Variants in C1QTNF12 observed in about 807,000 individuals in gnomAD.
C1QTNF12 encodes the protein adipolin.
A neutral mutation model predicts 34.3 loss-of-function variants in C1QTNF12; 39 were observed. The ratio of observed to expected loss-of-function variants is 1.14; its 90% confidence interval spans 0.88 to 1.49. The LOEUF (loss-of-function observed/expected upper bound fraction) is 1.49. Ranked by LOEUF, C1QTNF12 falls within the 40% of genes most tolerant of loss-of-function variation. The probability of loss-of-function intolerance (pLI) is 0.00; values close to 1 mark genes in which losing one functional copy is unlikely to be tolerated. For synonymous variants in C1QTNF12, 220 were observed against 196.9 expected (o/e 1.12, Z -0.98); for missense variants, 497 against 424.7 (o/e 1.17, Z -1.50).
At position 1,246,669 on chromosome 1, in the gene C1QTNF12, CG is replaced by C; in HGVS notation, c.21del (p.Ala8ArgfsTer66). MRRWAWAAVVVLLGPQL... is the reference protein window; with the variant it reads MRRWAWXAVVVLLGPQL... ...TGCGGCCCGAGGAGGACCACGACCGCGGCCCAGGCCCAGCGCCGCATGGCTC... is the reference window on the plus strand; with the variant it reads ...TGCGGCCCGAGGAGGACCACGACCGCGCCCAGGCCCAGCGCCGCATGGCTC... On this transcript the variant is annotated frameshift_variant, in exon 1 of 8. Coordinates refer to ENST00000330388, the MANE Select transcript of C1QTNF12 (RefSeq NM_001014980.3). LOFTEE classifies it high-confidence loss of function. The surrounding 1 kb of genome is among the most constrained non-coding windows in gnomAD (Gnocchi z 4.5). 5 of 1,227,742 alleles carry C rather than the reference CG, an allele frequency of 4.1e-6. No homozygotes were observed. Among genetic ancestry groups the C allele is most frequent in the Non-Finnish European group, 5.1e-6 (5 of 985,094 alleles). 76.1% of individuals were successfully genotyped at this position (1,227,742 alleles called of 1,614,324 possible). A position where few individuals can be genotyped will look rare whatever the true frequency, so the allele number is the denominator to read the frequency against.
Position 1,243,102 on chromosome 1 carries a change from ACAC to A in C1QTNF12, c.688_690del (p.Val230del). 2 of 1,587,830 alleles carry A rather than the reference ACAC, an allele frequency of 1.3e-6. No homozygotes were observed. Among genetic ancestry groups the A allele is most frequent in the South Asian group, 1.1e-5 (1 of 87,652 alleles). On this transcript the variant is annotated inframe_deletion, in exon 6 of 8. Transcript: ENST00000330388. ...AGGGACTCAATACAGATGAGAACAC[ACAC>A]CACGTCCCGGGCCCGCAGCCGGGCC...
At chr1:1,247,000 C>T (rs1361780475), upstream of C1QTNF12, among the ~76,000 whole-genome samples, 1 of 151,890 alleles carries the variant, frequency 6.6e-6, no homozygotes, top group Admixed American at 6.5e-5. This position sits in a 1 kb window ranked among gnomAD's most constrained non-coding sequence, Gnocchi z 4.5. Flanking sequence ...CACACTCGGA[C>T]GATCAGCCAG....
rs201137734 is a variant in C1QTNF12 at position 1,244,279 on chromosome 1, G to T, written c.295-4C>A. The stretch of plus-strand genomic sequence containing the variant: ...CTGGGGGACCGAAGAGATCCCGCTG[G>T]GGGGAGAGAGAAGCAGGTGAGGGGC... On this transcript the variant is annotated splice_polypyrimidine_tract_variant and splice_region_variant and intron_variant, in intron 2 of 7. Transcript: ENST00000330388. 2,161 of 1,592,070 alleles carry T rather than the reference G, an allele frequency of 1.4e-3. 4 individuals are homozygous for T. The highest frequency in any genetic ancestry group is 2.5e-3 in the Admixed American group (144 of 58,060).
In C1QTNF12 at chr1:1,244,370, G is replaced by A; in HGVS notation, c.294+11C>T. 1 of 1,609,760 alleles carries A rather than the reference G, an allele frequency of 6.2e-7. No individual in the cohort carries two copies. Among genetic ancestry groups the A allele is most frequent in the Non-Finnish European group, 8.5e-7 (1 of 1,177,750 alleles). On this transcript the variant is annotated intron_variant, in intron 2 of 7. Transcript: ENST00000330388. ...GGGCTCAGACCCTGCAGCAGCCCGGGCGGGGCTCACCGGCTTCTTGTCCCT... is the reference window on the plus strand; with the variant it reads ...GGGCTCAGACCCTGCAGCAGCCCGGACGGGGCTCACCGGCTTCTTGTCCCT...
At position 1,246,424 on chromosome 1, in the gene C1QTNF12, G is replaced by T. The variant is rs370855911; in HGVS notation, c.177+90C>A. ...AAAAGGGCGACCCGGAGGCAGAGCC[G>T]GCAGGGACAGAGCCTGCTGGGGGAG... On this transcript the variant is annotated intron_variant, in intron 1 of 7. Coordinates refer to ENST00000330388, the MANE Select transcript of C1QTNF12 (RefSeq NM_001014980.3). This position sits in a 1 kb window ranked among gnomAD's most constrained non-coding sequence, Gnocchi z 4.5. The T allele has an allele frequency of 8.1e-6, 9 of 1,106,246 alleles. No homozygotes were observed. Among genetic ancestry groups the T allele is most frequent in the African/African-American group, 1.6e-5 (1 of 61,872 alleles). The allele number at this position is 1,106,246 out of a possible 1,614,324, so 68.5% of individuals were successfully genotyped here. A position where few individuals can be genotyped will look rare whatever the true frequency, so the allele number is the denominator to read the frequency against.
In C1QTNF12 at chr1:1,246,303, G is replaced by A. The variant is rs1234764372; in HGVS notation, c.177+211C>T. Among the ~76,000 whole-genome samples, 1 of 152,160 alleles carries A rather than the reference G, an allele frequency of 6.6e-6. No homozygotes were observed. Among genetic ancestry groups the A allele is most frequent in the Non-Finnish European group, 1.5e-5 (1 of 68,014 alleles). ...CCCACCCACCCCAGGCCAGCTGGGG[G>A]CCAGGTCTCCGCTGCAGAGGAGGAG... On this transcript the variant is annotated intron_variant, in intron 1 of 7. Transcript: ENST00000330388. The surrounding 1 kb of genome is among the most constrained non-coding windows in gnomAD (Gnocchi z 4.5).
In C1QTNF12 at chr1:1,246,399, A is replaced by C; in HGVS notation, c.177+115T>G. Reference sequence around the variant, plus strand: ...AGGCGGGACCGTGGCCGAGGCCTCGAAAAGGGCGACCCGGAGGCAGAGCCG... The same window carrying C: ...AGGCGGGACCGTGGCCGAGGCCTCGCAAAGGGCGACCCGGAGGCAGAGCCG... On this transcript the variant is annotated intron_variant, in intron 1 of 7. Transcript: ENST00000330388. This position sits in a 1 kb window ranked among gnomAD's most constrained non-coding sequence, Gnocchi z 4.5. 2 of 975,976 alleles carry C rather than the reference A, an allele frequency of 2.0e-6. No homozygotes were observed. The highest frequency in any genetic ancestry group is 1.1e-4 in the South Asian group (2 of 18,946). The allele number at this position is 975,976 out of a possible 1,614,324, so 60.5% of individuals were successfully genotyped here.
intron 4 of C1QTNF12, 48 bp downstream of exon 4, chr1:1,243,906 T>C (rs1486313964): frequency 1.2e-5 from 18 of 1,542,952 alleles, no homozygotes; most frequent in East Asian, 5.0e-5. Context: ...CCGTCTTGCC[T>C]GTGGGGCCCC....
rs1638776860 is a variant in C1QTNF12, at chr1:1,242,912, A to G, written c.733T>C (p.Cys245Arg). ...TCCAGGCCTGAGACGGCCTCCAGGC[A>G]CCTGAACACAGCCCCACAGGGCAAG... ...CIESLCQRHT[C>R]LEAVSGLESN... The change falls in exon 7 of 8, where the codon TGC (cysteine) becomes CGC (arginine). Residue 245 changes from cysteine to arginine, a missense_variant and splice_region_variant. Physicochemically the swap from Cys to Arg is radical, Grantham distance 180 (BLOSUM62 -3). Coordinates refer to ENST00000330388, the MANE Select transcript of C1QTNF12 (RefSeq NM_001014980.3). The G allele has an allele frequency of 6.2e-7, 1 of 1,611,958 alleles. No individual in the cohort carries two copies. Among genetic ancestry groups the G allele is most frequent in the African/African-American group, 1.3e-5 (1 of 74,880 alleles).
Position 1,242,640 on chromosome 1 carries a change from G to A in C1QTNF12, c.817C>T (p.Gln273Ter). The change falls in exon 8 of 8, where the codon CAG becomes TAG. Residue 273 changes from glutamine to a stop codon, truncating the protein, a stop_gained. Transcript: ENST00000330388. LOFTEE classifies it high-confidence loss of function. ...VQGLLQLQAG[Q>*]YASVFVDNGS... ...TTGTCCACAAACACAGAAGCGTACT[G>A]TCCAGCCTGTAAGAAGCACGGGGAC... 6.3e-7 allele frequency: 1 copy of A among 1,590,788 alleles called. No homozygotes were observed. Among genetic ancestry groups the A allele is most frequent in the Non-Finnish European group, 8.6e-7 (1 of 1,169,156 alleles).
At position 1,242,503 on chromosome 1, in the gene C1QTNF12, C is replaced by G. The variant is rs760241106; in HGVS notation, c.*45G>C. On this transcript the variant is annotated 3_prime_UTR_variant, in exon 8 of 8. Transcript: ENST00000330388. ...TGACCACGGGCATCAGTAGGAGGGT[C>G]CCCGGGATCCGGCGGCAGCTCCTCG... 3.5e-6 allele frequency: 5 copies of G among 1,438,006 alleles called. No homozygotes were observed. In the South Asian group the frequency reaches 6.3e-5, roughly 18 times the overall value. 89.1% of individuals were successfully genotyped at this position (1,438,006 alleles called of 1,614,324 possible).
chr1:1,247,006 G>T (rs113157729), upstream of C1QTNF12, among the ~76,000 whole-genome samples: 1 of 151,806 alleles, frequency 6.6e-6, no homozygotes, highest in African/African-American at 2.4e-5. Flanking sequence ...CGGACGATCA[G>T]CCAGCCGCCC....
At chr1:1,247,061 C>T (rs1201286804), upstream of C1QTNF12, among the ~76,000 whole-genome samples, 1 of 152,136 alleles carries the variant, frequency 6.6e-6, no homozygotes, top group Admixed American at 6.5e-5. Context: ...GAGACCCCCA[C>T]TGACCCCGGC....
intron 7 of C1QTNF12, 85 bp downstream of exon 7, chr1:1,242,750 G>A (rs1214445771): frequency 9.6e-6 from 15 of 1,563,252 alleles, no homozygotes; most frequent in African/African-American, 2.7e-5. Flanking sequence ...GGCCCCAGAG[G>A]TCTGCGCCCT....
chr1:1,243,819 G>C (rs1638805699), intron 4 of C1QTNF12, 135 bp downstream of exon 4: 2 of 1,238,332 alleles, frequency 1.6e-6, no homozygotes, highest in African/African-American at 3.0e-5. Flanking sequence ...ACCCGAGGCA[G>C]CCCCTCGCCC....
At chr1:1,247,234 C>T (rs535310767), upstream of C1QTNF12, among the ~76,000 whole-genome samples, 1 of 152,350 alleles carries the variant, frequency 6.6e-6, no homozygotes, top group Admixed American at 6.5e-5. Flanking sequence ...CAGCCAGCCA[C>T]CGGAGGGCAG....
chr1:1,244,603 G>A (rs76342560), intron 1 of C1QTNF12, 106 bp from the exon 2 acceptor site: 99,779 of 897,692 alleles, frequency 0.11, 6,843 homozygotes, highest in African/African-American at 0.27. Flanking sequence ...AGGCATCGCC[G>A]GCCAGGAGAA....
At position 1,243,462 on chromosome 1, in the gene C1QTNF12, A is replaced by G; in HGVS notation, c.622T>C (p.Ser208Pro). The change falls in exon 5 of 8, where the codon TCT becomes CCT. Residue 208 changes from serine to proline, a missense_variant. Physicochemically the swap from Ser to Pro is moderately conservative, Grantham distance 74. Transcript: ENST00000330388. ...TAPVSGIFQF[S>P]ASLHVDHSEL... ...GGCTCACCCACGTGCAGACTGGCAG[A>G]GAACTGGAAGATGCCGGACACGGGG... 6.4e-7 allele frequency: 1 copy of G among 1,557,580 alleles called. No individual in the cohort carries two copies. The highest frequency in any genetic ancestry group is 2.4e-5 in the East Asian group (1 of 41,354).
Position 1,244,381 on chromosome 1 carries a change from C to A in C1QTNF12, c.294G>T (p.Pro98=), listed in dbSNP as rs530078248. 7.4e-6 allele frequency: 12 copies of A among 1,610,884 alleles called. No individual in the cohort carries two copies. The African/African-American group carries it at 1.6e-4, about 21-fold the overall frequency. ...RKRCGSRDKK[P]RDLFGPPGPP... The stretch of plus-strand genomic sequence containing the variant: ...CTGCAGCAGCCCGGGCGGGGCTCAC[C>A]GGCTTCTTGTCCCTGCTTCCGCACC... Residue 98 remains proline (P), a splice_region_variant and synonymous_variant, in exon 2 of 8, where the codon CCG becomes CCT. Transcript: ENST00000330388.
Sources: allele counts gnomAD v4.1 joint callset (sites outside exome capture counted in the v4.1 genomes callset), GRCh38; gene constraint gnomAD v4.1.1; non-coding constraint Gnocchi (gnomAD v3.1); transcripts MANE v1.5; gene names NCBI Gene and HGNC (gene_info 2026-07-23, HGNC 2026-07-21).